Variants in TMOD3 observed in about 807,000 individuals in gnomAD.
TMOD3 encodes tropomodulin 3.
In TMOD3, 20 loss-of-function variants were observed where a neutral mutation model predicts 39.2. That is an observed-to-expected ratio of 0.51 (90% CI 0.36 to 0.74). TMOD3 has a LOEUF of 0.74. TMOD3 is among the 30% of genes least tolerant of loss of function. TMOD3 has a pLI of 0.00. For synonymous variants in TMOD3, 143 were observed against 145.8 expected, an observed-to-expected ratio of 0.98 and a Z score of 0.14; for missense variants, 381 against 412.8, an observed-to-expected ratio of 0.92 and a Z score of 0.67.
At chr15:51,879,621 C>A (rs1243147328) in intron 3 of TMOD3, among the ~76,000 whole-genome samples, 1 of 151,732 alleles carries the variant, frequency 6.6e-6, no homozygotes, top group Admixed American at 6.6e-5. Context: ...ATTAGATCAA[C>A]TCAGGATAAC....
intron 3 of TMOD3, among the ~76,000 whole-genome samples, chr15:51,873,305 C>T (rs1366079435): frequency 6.6e-6 from 1 of 152,156 alleles, no homozygotes; most frequent in Non-Finnish European, 1.5e-5. Context: ...TATGACTCTG[C>T]CCTGAACACC....
chr15:51,864,648 TC>T (rs1338925340), intron 2 of TMOD3, among the ~76,000 whole-genome samples: 1 of 152,086 alleles, frequency 6.6e-6, no homozygotes, highest in African/African-American at 2.4e-5. Context: ...TTATTGTGGT[TC>T]AATGGGAATG....
chr15:51,857,500 G>C (rs1318972698), intron 1 of TMOD3, among the ~76,000 whole-genome samples: 1 of 152,056 alleles, frequency 6.6e-6, no homozygotes, highest in Non-Finnish European at 1.5e-5. Flanking sequence ...TACAGAACCT[G>C]GGTGGCATAT....
intron 3 of TMOD3, among the ~76,000 whole-genome samples, chr15:51,879,508 A>C (rs919069587): frequency 6.6e-6 from 1 of 151,958 alleles, no homozygotes; most frequent in Admixed American, 6.6e-5. Context: ...ACTGAAAGGT[A>C]AAAATGTTTT....
rs574883730 is a variant in TMOD3, at chr15:51,897,071, A to G, written c.735+545A>G. Among the ~76,000 whole-genome samples, 14 of 152,344 alleles carry G rather than the reference A, an allele frequency of 9.2e-5. No homozygotes were observed. In the South Asian group the frequency reaches 2.5e-3, roughly 27 times the overall value. ...ACCTTTTGTTTCATTGGCTTTGAGAATATCACTCACTCCCTTGGGGGCTCC... is the reference window on the plus strand; with the variant it reads ...ACCTTTTGTTTCATTGGCTTTGAGAGTATCACTCACTCCCTTGGGGGCTCC... On this transcript the variant is annotated intron_variant, in intron 7 of 9. Coordinates refer to ENST00000308580, the MANE Select transcript of TMOD3 (RefSeq NM_014547.5).
chr15:51,888,329 G>A (rs532061796), intron 4 of TMOD3, among the ~76,000 whole-genome samples: 9 of 152,308 alleles, frequency 5.9e-5, no homozygotes, highest in Admixed American at 6.5e-5. Context: ...AAATTTGAAT[G>A]TAGCACTGAT....
chr15:51,854,858 C>G (rs940295642), intron 1 of TMOD3, among the ~76,000 whole-genome samples: 5 of 152,048 alleles, frequency 3.3e-5, no homozygotes, highest in Non-Finnish European at 5.9e-5. Context: ...TTATAGAAAG[C>G]TAAAATTTAA....
intron 1 of TMOD3, chr15:51,835,180 C>T (rs894110404): frequency 1.3e-5 from 2 of 152,170 alleles, no homozygotes; most frequent in African/African-American, 4.8e-5. Flanking sequence ...GAGATGTAAG[C>T]AAGGAAAGAT....
intron 9 of TMOD3, among the ~76,000 whole-genome samples, chr15:51,907,491 A>G (rs2056688010): frequency 6.6e-6 from 1 of 152,200 alleles, no homozygotes; most frequent in Admixed American, 6.5e-5. Context: ...TTATCTATTA[A>G]AGGCCGACAA....
At chr15:51,855,665 C>T (rs2056384166) in intron 1 of TMOD3, among the ~76,000 whole-genome samples, 1 of 152,196 alleles carries the variant, frequency 6.6e-6, no homozygotes, top group South Asian at 2.1e-4. Context: ...TTTCTGTAGA[C>T]AAAGTGTAGA....
At chr15:51,838,383 C>T (rs1283484756) in intron 1 of TMOD3, among the ~76,000 whole-genome samples, 1 of 152,082 alleles carries the variant, frequency 6.6e-6, no homozygotes, top group African/African-American at 2.4e-5. Flanking sequence ...GTATGTTAGT[C>T]AAGGTGTTTA....
intron 9 of TMOD3, among the ~76,000 whole-genome samples, chr15:51,902,301 C>G (rs1388369273): frequency 1.3e-5 from 2 of 152,178 alleles, no homozygotes; most frequent in Admixed American, 6.5e-5. Context: ...ACAATTTGTT[C>G]TCAGTTACAG....
intron 1 of TMOD3, among the ~76,000 whole-genome samples, chr15:51,841,005 G>T (rs568218037): frequency 1.3e-5 from 2 of 152,142 alleles, no homozygotes; most frequent in Admixed American, 6.5e-5. Flanking sequence ...TGTGTAAAAC[G>T]TATGGCTTTT....
At chr15:51,846,222 T>C (rs1312490482) in intron 1 of TMOD3, among the ~76,000 whole-genome samples, 1 of 151,820 alleles carries the variant, frequency 6.6e-6, no homozygotes. Context: ...TCCCAGCTAC[T>C]TGAGAGGCTG....
intron 1 of TMOD3, among the ~76,000 whole-genome samples, chr15:51,846,986 GA>G (rs2056338912): frequency 6.6e-6 from 1 of 152,090 alleles, no homozygotes; most frequent in Non-Finnish European, 1.5e-5. Flanking sequence ...GTTCCTCTTT[GA>G]CCTTGCCCTG....
chr15:51,864,342 A>G (rs1389750919), intron 2 of TMOD3, among the ~76,000 whole-genome samples: 5 of 151,264 alleles, frequency 3.3e-5, no homozygotes, highest in African/African-American at 7.3e-5. Context: ...TCTTGACAGT[A>G]TTTACTTTTG....
In TMOD3 at chr15:51,910,875, A is replaced by G. The variant is rs568435341; in HGVS notation, c.*2065A>G. The G allele has an allele frequency of 6.6e-6, 1 of 151,964 alleles. No individual in the cohort carries two copies. Among genetic ancestry groups the G allele is most frequent in the East Asian group, 1.9e-4 (1 of 5,174 alleles). 9.4% of individuals were successfully genotyped at this position (151,964 alleles called of 1,614,324 possible). ...TCCCTGTCAGTTAAAGGCCACTGAT[A>G]TTTTTCTAAGTTAGCAAGGCTCACT... On this transcript the variant is annotated 3_prime_UTR_variant, in exon 10 of 10. Transcript: ENST00000308580.
intron 8 of TMOD3, chr15:51,901,556 G>T: frequency 4.5e-6 from 1 of 223,828 alleles, no homozygotes; most frequent in Admixed American, 5.6e-5. Context: ...TCATATTACT[G>T]AACTTTAAAA....
At chr15:51,838,847 T>G (rs2056299264) in intron 1 of TMOD3, among the ~76,000 whole-genome samples, 1 of 152,116 alleles carries the variant, frequency 6.6e-6, no homozygotes, top group African/African-American at 2.4e-5. Flanking sequence ...GGTGATACCT[T>G]ATGTCTCAAC....
Sources: gnomAD v4.1 joint callset for allele counts (sites outside exome capture counted in the v4.1 genomes callset) on GRCh38, gnomAD v4.1.1 for gene constraint, MANE v1.5 for transcripts, NCBI Gene and HGNC (gene_info 2026-07-23, HGNC 2026-07-21) for gene names.